Variants in ZDHHC11B observed in about 807,000 individuals in gnomAD.
ZDHHC11B encodes probable palmitoyltransferase ZDHHC11B.
Under a neutral mutation model 42.3 loss-of-function variants are expected in ZDHHC11B, and 17 were observed. The observed-to-expected ratio is 0.40, with a 90% confidence interval of 0.27 to 0.60. The LOEUF (loss-of-function observed/expected upper bound fraction) is 0.60. Ranked by LOEUF, ZDHHC11B falls within the 20% of genes least tolerant of loss-of-function variation. The probability of loss-of-function intolerance (pLI) is 0.41; values close to 1 mark genes in which losing one functional copy is unlikely to be tolerated. For missense variants in ZDHHC11B, 262 were observed against 463.2 expected, an observed-to-expected ratio of 0.57 and a Z score of 3.99; for synonymous variants, 123 against 193.5, an observed-to-expected ratio of 0.64 and a Z score of 3.02.
chr5:718,492 T>A (rs1741934407), intron 12 of ZDHHC11B, among the ~76,000 whole-genome samples: 1 of 151,492 alleles, frequency 6.6e-6, no homozygotes, highest in African/African-American at 2.4e-5. Flanking sequence ...GCTAACATGG[T>A]GAAACTCTGT....
intron 1 of ZDHHC11B, among the ~76,000 whole-genome samples, chr5:777,948 G>T (rs533039623): frequency 2.0e-5 from 3 of 151,838 alleles, no homozygotes; most frequent in African/African-American, 7.3e-5. Flanking sequence ...GGCGGTCGGC[G>T]GGTCCCGAGC....
At chr5:761,222 C>A (rs1197282877) in intron 4 of ZDHHC11B, among the ~76,000 whole-genome samples, 1 of 151,874 alleles carries the variant, frequency 6.6e-6, no homozygotes, top group Admixed American at 6.6e-5. Flanking sequence ...GGAGGACACC[C>A]GTGTCTGGAG....
In ZDHHC11B at chr5:760,795, C is replaced by T. The variant is rs781568650; in HGVS notation, c.223-4651G>A. Among the ~76,000 whole-genome samples, 121 of 151,870 alleles carry T rather than the reference C, an allele frequency of 8.0e-4. 1 individual carries two copies. In the Middle Eastern group the frequency reaches 0.01, roughly 13 times the overall value. On this transcript the variant is annotated intron_variant, in intron 4 of 13. Coordinates refer to ENST00000508859, the MANE Select transcript of ZDHHC11B (RefSeq NM_001351303.2). The stretch of plus-strand genomic sequence containing the variant: ...CTCAGAGTCCACATGTGCACCACTC[C>T]GGACTGGCAGGGGCAGTGACCCGGC...
At chr5:745,915 G>A (rs551424558) in intron 8 of ZDHHC11B, among the ~76,000 whole-genome samples, 5 of 149,820 alleles carry the variant, frequency 3.3e-5, no homozygotes, top group African/African-American at 1.2e-4. Context: ...AGTGCTGTGA[G>A]TGCCACTCAG....
intron 6 of ZDHHC11B, among the ~76,000 whole-genome samples, chr5:752,972 C>G (rs397549): frequency 0.54 from 63,262 of 116,580 alleles, 19,163 homozygotes; most frequent in Middle Eastern, 0.57. Context: ...ATGGGGCAGA[C>G]CCATTCACGC....
intron 6 of ZDHHC11B, among the ~76,000 whole-genome samples, chr5:753,138 C>A (rs1264836034): frequency 7.7e-6 from 1 of 129,720 alleles, no homozygotes; most frequent in Non-Finnish European, 1.7e-5. Context: ...CGTCCCCCTT[C>A]CTCTCTTATC....
intron 1 of ZDHHC11B, among the ~76,000 whole-genome samples, chr5:783,960 C>G (rs1427936057): frequency 2.6e-5 from 4 of 150,978 alleles, no homozygotes; most frequent in Middle Eastern, 6.8e-3. Context: ...GCTCCGTTTA[C>G]GTAACCGAAA....
chr5:716,404 A>C (rs1272995172), intron 13 of ZDHHC11B, among the ~76,000 whole-genome samples: 1 of 151,794 alleles, frequency 6.6e-6, no homozygotes, highest in Admixed American at 6.6e-5. Context: ...TTTGAGCAGA[A>C]AGCAGGGATA....
chr5:716,908 ATGTAATACT>A (rs1465691671), intron 12 of ZDHHC11B, 43 bp from the exon 13 acceptor site: 2 of 1,611,810 alleles, frequency 1.2e-6, no homozygotes, highest in African/African-American at 2.7e-5. Context: ...AGAACGTATG[ATGTAATACT>A]TGTTATACTG....
chr5:726,152 C>A (rs1158452019), intron 12 of ZDHHC11B, among the ~76,000 whole-genome samples: 1 of 151,298 alleles, frequency 6.6e-6, no homozygotes, highest in South Asian at 2.1e-4. Flanking sequence ...AATCCCTACA[C>A]ATTTCCCACA....
chr5:748,236 C>G (rs1216436463), intron 8 of ZDHHC11B, 168 bp downstream of exon 8: 1 of 636,256 alleles, frequency 1.6e-6, no homozygotes, highest in African/African-American at 1.7e-5. Context: ...TCCATGATCT[C>G]ACTTCTGGGA....
At chr5:783,757 A>G (rs1737036328) in intron 1 of ZDHHC11B, among the ~76,000 whole-genome samples, 2 of 90,786 alleles carry the variant, frequency 2.2e-5, no homozygotes, top group Admixed American at 3.1e-4. Context: ...GCAGCCCCCA[A>G]ATACCCATCA....
rs554729768 is a variant in ZDHHC11B at position 749,243 on chromosome 5, A to G, written c.629-684T>C. Among the ~76,000 whole-genome samples the G allele has an allele frequency of 3.7e-4, 48 of 130,338 alleles. 11 individuals carry two copies. The highest frequency in any genetic ancestry group is 6.5e-4 in the Non-Finnish European group (38 of 58,524). 85.5% of individuals were successfully genotyped at this position (130,338 alleles called of 152,430 possible). A position where few individuals can be genotyped will look rare whatever the true frequency, so the allele number is the denominator to read the frequency against. ...CCTTCAAATAGAACAGGAAAGCCACAGCTCTCACCTGGGGTCATTTCTAAG... is the reference window on the plus strand; with the variant it reads ...CCTTCAAATAGAACAGGAAAGCCACGGCTCTCACCTGGGGTCATTTCTAAG... On this transcript the variant is annotated intron_variant, in intron 7 of 13. Transcript: ENST00000508859.
chr5:757,401 AG>A (rs1434088486), intron 4 of ZDHHC11B, among the ~76,000 whole-genome samples: 1 of 151,942 alleles, frequency 6.6e-6, no homozygotes, highest in Admixed American at 6.6e-5. Flanking sequence ...GCACCAGGCC[AG>A]GGGGCTGCTG....
intron 1 of ZDHHC11B, among the ~76,000 whole-genome samples, chr5:780,169 G>T (rs1395062835): frequency 1.3e-5 from 2 of 150,932 alleles, no homozygotes; most frequent in Admixed American, 1.3e-4. Context: ...TAATCCCTTT[G>T]GGAAACTGCT....
chr5:777,432 C>A (rs1736606681), intron 1 of ZDHHC11B, among the ~76,000 whole-genome samples: 1 of 150,788 alleles, frequency 6.6e-6, no homozygotes, highest in Non-Finnish European at 1.5e-5. Flanking sequence ...TCGCTGCAGA[C>A]CTCCCTGGTG....
At chr5:771,327 T>C (rs950260936) in intron 1 of ZDHHC11B, among the ~76,000 whole-genome samples, 3 of 149,898 alleles carry the variant, frequency 2.0e-5, no homozygotes, top group Admixed American at 1.3e-4. Flanking sequence ...CTCCCTACAC[T>C]GAAGACCTTA....
intron 4 of ZDHHC11B, among the ~76,000 whole-genome samples, chr5:761,271 G>A (rs1051126552): frequency 6.6e-6 from 1 of 151,856 alleles, no homozygotes; most frequent in East Asian, 1.9e-4. Flanking sequence ...GTGCAGCACA[G>A]GGTTAGTGAC....
intron 1 of ZDHHC11B, among the ~76,000 whole-genome samples, chr5:776,821 C>T (rs1257673595): frequency 6.6e-6 from 1 of 151,786 alleles, no homozygotes; most frequent in Non-Finnish European, 1.5e-5. Context: ...TTCCTTATTT[C>T]AGAGCCCATT....
Sources: gnomAD v4.1 joint callset for allele counts (sites outside exome capture counted in the v4.1 genomes callset) on GRCh38, gnomAD v4.1.1 for gene constraint, MANE v1.5 for transcripts, NCBI Gene and HGNC (gene_info 2026-07-23, HGNC 2026-07-21) for gene names.